Variants in ZNF91 observed in about 807,000 individuals in gnomAD.
ZNF91 encodes zinc finger protein 91, also known as zinc finger protein 91 (HPF7, HTF10).
In ZNF91, 7 loss-of-function variants were observed where a neutral mutation model predicts 12.6. The ratio of observed to expected loss-of-function variants is 0.55; its 90% CI spans 0.31 to 1.04. The LOEUF is 1.04. Among genes scored for constraint, ZNF91 ranks in the 50% least tolerant of loss-of-function variants. The pLI, the probability that ZNF91 is intolerant of heterozygous loss-of-function variation, is 0.05. For missense variants in ZNF91, 1,217 were observed against 1,385.4 expected (o/e 0.88, Z 1.93); for synonymous variants, 453 against 462.6 (o/e 0.98, Z 0.27).
chr19:23,383,832 C>T (rs1018947507), intron 1 of ZNF91, among the ~76,000 whole-genome samples: 3 of 152,092 alleles, frequency 2.0e-5, no homozygotes, highest in African/African-American at 7.2e-5. Context: ...AGGCATTTGG[C>T]TGGATGCAGT....
intron 1 of ZNF91, chr19:23,326,255 G>A (rs1266121070): frequency 6.6e-6 from 1 of 152,146 alleles, no homozygotes; most frequent in African/African-American, 2.4e-5. Flanking sequence ...CCCACCTCAA[G>A]AATATTTTTT....
Position 23,361,638 on chromosome 19 carries a change from T to C in ZNF91, c.1341A>G (p.Ser447=). ...GAAATCTTTTATGTTTAGTAAGGCT[T>C]GAGGACCAGTTAAATGCTTTGCCAC... ...EECGKAFNWS[S]SLTKHKRFHT... is the part of the protein sequence containing the mutation. Residue 447 remains serine, a synonymous_variant, in exon 4 of 4, where the codon TCA becomes TCG. Transcript: ENST00000300619. The C allele has an allele frequency of 6.2e-7, 1 of 1,613,790 alleles. No individual in the cohort carries two copies. The highest frequency in any genetic ancestry group is 8.5e-7 in the Non-Finnish European group (1 of 1,179,814).
chr19:23,350,217 T>A (rs1968329382), intron 3 of ZNF91, among the ~76,000 whole-genome samples: 1 of 152,060 alleles, frequency 6.6e-6, no homozygotes, highest in Non-Finnish European at 1.5e-5. Flanking sequence ...GTACTAGAAA[T>A]CACTTCAAAC....
chr19:23,386,011 C>CT (rs1969859017), intron 1 of ZNF91, among the ~76,000 whole-genome samples: 1 of 152,048 alleles, frequency 6.6e-6, no homozygotes, highest in Admixed American at 6.6e-5. Flanking sequence ...AGTAGCATCC[C>CT]TGTGAATCAA....
At chr19:23,374,252 C>T (rs2145097726) in intron 2 of ZNF91, among the ~76,000 whole-genome samples, 1 of 152,004 alleles carries the variant, frequency 6.6e-6, no homozygotes, top group South Asian at 2.1e-4. Flanking sequence ...GCATAAATTT[C>T]CAGAAAACAT....
rs60301014 is a variant in ZNF91, at chr19:23,379,317, C to T, written c.31-4553G>A. Among the ~76,000 whole-genome samples the T allele has an allele frequency of 4.4e-3, 669 of 152,300 alleles. 4 individuals are homozygous for T. Among genetic ancestry groups the T allele is most frequent in the African/African-American group, 0.015 (643 of 41,562 alleles). Reference sequence around the variant, plus strand: ...AGGGAAAGTCCCCTCTAGAGTAGAGCTTGGTTGGCACCTTATGTGTTTATA... The same window carrying T: ...AGGGAAAGTCCCCTCTAGAGTAGAGTTTGGTTGGCACCTTATGTGTTTATA... On this transcript the variant is annotated intron_variant, in intron 1 of 3. Coordinates refer to ENST00000300619, the MANE Select transcript of ZNF91 (RefSeq NM_003430.4).
intron 3 of ZNF91, among the ~76,000 whole-genome samples, chr19:23,349,585 C>T (rs1968313308): frequency 6.6e-6 from 1 of 152,112 alleles, no homozygotes; most frequent in African/African-American, 2.4e-5. Context: ...CCTCCTTGTC[C>T]TCTCAACATA....
chr19:23,309,877 C>T (rs1423976407), intron 1 of ZNF91, among the ~76,000 whole-genome samples: 2 of 151,830 alleles, frequency 1.3e-5, no homozygotes, highest in African/African-American at 2.4e-5. Flanking sequence ...CTTGTGTGCT[C>T]ATCCTGACAA....
rs551413918 is a variant in ZNF91, at chr19:23,347,119, C to CG, written c.254-8066_254-8065insC. ...CTGGCTATGCTATAGTGTCACCCCC[C>CG]CTACACACTGTTCAAGCCAATATGC... On this transcript the variant is annotated intron_variant, in intron 3 of 3. Transcript: ENST00000599743. Among the ~76,000 whole-genome samples, 166 of 152,180 alleles carry CG rather than the reference C, an allele frequency of 1.1e-3. No individual in the cohort carries two copies. In the East Asian group the frequency reaches 0.029, roughly 27 times the overall value.
downstream of ZNF91, among the ~76,000 whole-genome samples, chr19:23,336,063 T>C (rs1404118263): frequency 6.6e-6 from 1 of 152,192 alleles, no homozygotes; most frequent in African/African-American, 2.4e-5. Flanking sequence ...TTTGATGTCA[T>C]ATTTGTATAT....
chr19:23,371,081 C>T (rs984208355), intron 3 of ZNF91, among the ~76,000 whole-genome samples: 1 of 152,064 alleles, frequency 6.6e-6, no homozygotes, highest in Non-Finnish European at 1.5e-5. Flanking sequence ...TGGCTGACAC[C>T]TGTAATCCCA....
At chr19:23,384,955 C>A in intron 1 of ZNF91, 3 of 904,590 alleles carry the variant, frequency 3.3e-6, no homozygotes, top group Non-Finnish European at 3.7e-6. Context: ...GTTGCCAAGG[C>A]TTAGCTGCGA....
At chr19:23,351,595 G>C (rs1255931013) in intron 3 of ZNF91, among the ~76,000 whole-genome samples, 1 of 152,176 alleles carries the variant, frequency 6.6e-6, no homozygotes, top group East Asian at 1.9e-4. Flanking sequence ...CATTGTAGAA[G>C]AAAATGTGAA....
chr19:23,318,705 C>G (rs1192750715), intron 1 of ZNF91, among the ~76,000 whole-genome samples: 1 of 152,152 alleles, frequency 6.6e-6, no homozygotes, highest in African/African-American at 2.4e-5. Flanking sequence ...TGTGACTCTC[C>G]TTGTTTGCCT....
downstream of ZNF91, among the ~76,000 whole-genome samples, chr19:23,354,454 A>G (rs544272059): frequency 1.3e-5 from 2 of 152,340 alleles, no homozygotes; most frequent in African/African-American, 4.8e-5. Flanking sequence ...GTTGGCATAC[A>G]AGGGACACAG....
chr19:23,361,762 TAG>T lies in ZNF91; in HGVS notation c.1215_1216del (p.Tyr406GlnfsTer3), dbSNP rs1568385654. On this transcript the variant is annotated frameshift_variant, in exon 4 of 4. Transcript: ENST00000300619. LOFTEE classifies it low-confidence loss of function (END_TRUNC). ...AGCTTTGCCACATTCTTCACATTTG[TAG>T]AGTTTCTCTCCAGCATGTATTATTT... 6.2e-7 allele frequency: 1 copy of T among 1,611,322 alleles called. No individual in the cohort carries two copies. The highest frequency in any genetic ancestry group is 1.7e-5 in the Admixed American group (1 of 59,816).
intron 3 of ZNF91, among the ~76,000 whole-genome samples, chr19:23,369,812 TC>T (rs1969197546): frequency 6.6e-6 from 1 of 150,394 alleles, no homozygotes; most frequent in East Asian, 1.9e-4. Flanking sequence ...GGCAGCATGC[TC>T]GTTAAGAGTC....
intron 3 of ZNF91, among the ~76,000 whole-genome samples, chr19:23,365,324 G>A (rs994277064): frequency 6.6e-6 from 1 of 150,992 alleles, no homozygotes; most frequent in African/African-American, 2.4e-5. Context: ...GCTACATGGT[G>A]TCCAGGCACC....
chr19:23,348,273 C>T (rs1163992228), intron 3 of ZNF91, among the ~76,000 whole-genome samples: 2 of 152,162 alleles, frequency 1.3e-5, no homozygotes, highest in Non-Finnish European at 2.9e-5. Context: ...TCATGTATGG[C>T]TGAATGTTGC....
Sources: allele counts gnomAD v4.1 joint callset (sites outside exome capture counted in the v4.1 genomes callset), GRCh38; gene constraint gnomAD v4.1.1; transcripts MANE v1.5; gene names NCBI Gene and HGNC (gene_info 2026-07-23, HGNC 2026-07-21).